The following ESPN variants were observed in gnomAD, a reference collection of about 807,000 sequenced individuals.
ESPN encodes autosomal recessive deafness type 36 protein.
A neutral mutation model predicts 77.7 loss-of-function variants in ESPN; 68 were observed. That is an observed-to-expected ratio of 0.87 (90% CI 0.72 to 1.07). ESPN has a LOEUF of 1.07. ESPN is among the 50% of genes least tolerant of loss of function. ESPN has a pLI of 0.00. For synonymous variants in ESPN, 449 were observed against 567.1 expected (o/e 0.79, Z 2.96); for missense variants, 1,060 against 1,239.0 (o/e 0.86, Z 2.17).
rs1643899070 is a variant in ESPN, at chr1:6,448,953, A to T, written c.1777A>T (p.Arg593Trp). 5 of 1,420,374 alleles carry T rather than the reference A, an allele frequency of 3.5e-6. No homozygotes were observed. Among genetic ancestry groups the T allele is most frequent in the Non-Finnish European group, 4.6e-6 (5 of 1,092,770 alleles). The allele number at this position is 1,420,374 out of a possible 1,614,324, so 88.0% of individuals were successfully genotyped here. The change falls in exon 8 of 13, where the codon AGG becomes TGG. Residue 593 changes from arginine (R) to tryptophan (W), a missense_variant. By Grantham distance (101) the Arg-to-Trp change is moderately radical (BLOSUM62 -3). Around this residue, in one of 3 missense-constraint regions of ESPN, gnomAD observed 374 missense variants for 381.4 expected, o/e 0.98. Transcript: ENST00000645284. ...CTGCGCCGCGGACCCCAAGGCGTCC[A>T]GGGAGCTGCCACCGCCGCCCCCACC... Reference protein sequence around the residue: ...NGCAADPKASRELPPPPPPPP... With the variant: ...NGCAADPKASWELPPPPPPPP...
rs1434187539 is a variant in ESPN, at chr1:6,446,236, G to A, written c.1464+301G>A. Among the ~76,000 whole-genome samples the A allele has an allele frequency of 2.6e-5, 4 of 152,256 alleles. No individual in the cohort carries two copies. In the East Asian group the frequency reaches 7.7e-4, roughly 29 times the overall value. ...GCCACCTCTTGCACAGAGTGGCCGGGTTGTCATGGAGTTGACAGAGAATGC... is the reference window on the plus strand; with the variant it reads ...GCCACCTCTTGCACAGAGTGGCCGGATTGTCATGGAGTTGACAGAGAATGC... On this transcript the variant is annotated intron_variant, in intron 7 of 12. Transcript: ENST00000645284.
Position 6,440,745 on chromosome 1 carries a change from G to A in ESPN, c.795G>A (p.Glu265=). Residue 265 remains glutamate, a synonymous_variant, in exon 4 of 13, where the codon GAG becomes GAA. Coordinates refer to ENST00000645284, the MANE Select transcript of ESPN (RefSeq NM_031475.3). ...VLSWLLLHGG[E]ISADLWGGTP... The stretch of plus-strand genomic sequence containing the variant: ...GCTGGCTGCTGCTGCACGGCGGGGA[G>A]ATCTCGGCTGACCTGTGGGGCGGGA... 2 of 1,543,038 alleles carry A rather than the reference G, an allele frequency of 1.3e-6. No individual in the cohort carries two copies. The highest frequency in any genetic ancestry group is 1.7e-6 in the Non-Finnish European group (2 of 1,153,416).
Position 6,455,301 on chromosome 1 carries a change from C to T in ESPN, c.2326-1883C>T, listed in dbSNP as rs544445075. 19 of 387,330 alleles carry T rather than the reference C, an allele frequency of 4.9e-5. No individual in the cohort carries two copies. In the South Asian group the frequency reaches 2.1e-3, roughly 42 times the overall value. 24.0% of individuals were successfully genotyped at this position (387,330 alleles called of 1,614,324 possible). ...GCGCATCGTTTACCTCTTCCTGGAG[C>T]ACTGGCGCCGCTGGGCCTGCCGCGG... On this transcript the variant is annotated intron_variant, in intron 10 of 12. Transcript: ENST00000645284.
In ESPN at chr1:6,450,657, C is replaced by A. The variant is rs1393273997; in HGVS notation, c.1916-946C>A. Among the ~76,000 whole-genome samples the A allele has an allele frequency of 6.6e-6, 1 of 152,104 alleles. No homozygotes were observed. Among genetic ancestry groups the A allele is most frequent in the Non-Finnish European group, 1.5e-5 (1 of 68,018 alleles). On this transcript the variant is annotated intron_variant, in intron 8 of 12. Transcript: ENST00000645284. This position sits in a 1 kb window ranked among gnomAD's most constrained non-coding sequence, Gnocchi z 4.3. ...ACCTACCCTCATACCCACATATGCACCCAAGCATTCTGCACCTGGCTGATG... is the reference window on the plus strand; with the variant it reads ...ACCTACCCTCATACCCACATATGCAACCAAGCATTCTGCACCTGGCTGATG...
chr1:6,433,356 A>G (rs916244361), intron 2 of ESPN, among the ~76,000 whole-genome samples: 2 of 151,980 alleles, frequency 1.3e-5, no homozygotes, highest in African/African-American at 4.8e-5. Flanking sequence ...AGGCAGGAGA[A>G]TTGCTTGAAC....
chr1:6,455,208 C>A (rs1199076118), intron 10 of ESPN: 2 of 381,042 alleles, frequency 5.2e-6, no homozygotes, highest in Non-Finnish European at 9.3e-6. Flanking sequence ...GCCCGAGCAG[C>A]TGGCGCGCCG....
Position 6,427,456 on chromosome 1 carries a change from T to C in ESPN, c.295-770T>C, listed in dbSNP as rs1334144400. 1.3e-5 allele frequency among the ~76,000 whole-genome samples: 2 copies of C among 152,160 alleles called. No individual in the cohort carries two copies. Among genetic ancestry groups the C allele is most frequent in the Admixed American group, 1.3e-4 (2 of 15,284 alleles). On this transcript the variant is annotated intron_variant, in intron 1 of 12. Coordinates refer to ENST00000645284, the MANE Select transcript of ESPN (RefSeq NM_031475.3). This position sits in a 1 kb window ranked among gnomAD's most constrained non-coding sequence, Gnocchi z 4.6. ...TTCAGCAGTTCTGGGCCCAGACCTC[T>C]GGCCCCACCTGCTCTGAGGTCCCCG...
chr1:6,430,356 A>C (rs2148505541), intron 2 of ESPN, among the ~76,000 whole-genome samples: 1 of 152,348 alleles, frequency 6.6e-6, no homozygotes, highest in African/African-American at 2.4e-5. Context: ...CCACGGGACG[A>C]GGAAGTGACA....
Position 6,445,735 on chromosome 1 carries a change from C to G in ESPN, c.1264C>G (p.Arg422Gly). 1.2e-6 allele frequency: 2 copies of G among 1,609,828 alleles called. No homozygotes were observed. Among genetic ancestry groups the G allele is most frequent in the Non-Finnish European group, 1.7e-6 (2 of 1,178,924 alleles). The change falls in exon 7 of 13, where the codon CGG (arginine) becomes GGG (glycine). Residue 422 changes from arginine (R) to glycine (G), a missense_variant. Transcript: ENST00000645284. ...GCTGAACCCGGAGCTGGGCCTGCCT[C>G]GGGGCACGATTGGGAAGCCCACACC... Reference protein sequence around the residue: ...DMLNPELGLPRGTIGKPTPPP... With the variant: ...DMLNPELGLPGGTIGKPTPPP...
chr1:6,428,384 C>G lies in ESPN; in HGVS notation c.453C>G (p.Phe151Leu), dbSNP rs781518450. The change falls in exon 2 of 13, where the codon TTC becomes TTG. Residue 151 changes from phenylalanine to leucine, a missense_variant. Physicochemically the swap from Phe to Leu is conservative, Grantham distance 22. This residue lies in a region of ESPN where 556 missense variants were observed against 633.6 expected (regional missense o/e 0.88). Transcript: ENST00000645284. This position sits in a 1 kb window ranked among gnomAD's most constrained non-coding sequence, Gnocchi z 5.4. ...ACTACGCTGCCGCCAAAGGAGACTTCCCCTCCCTGAGGCTTCTCGTCGAGC... is the reference window on the plus strand; with the variant it reads ...ACTACGCTGCCGCCAAAGGAGACTTGCCCTCCCTGAGGCTTCTCGTCGAGC... The part of the protein sequence containing the change: ...PIHYAAAKGD[F>L]PSLRLLVEHY... The G allele has an allele frequency of 6.2e-7, 1 of 1,612,820 alleles. No homozygotes were observed. Among genetic ancestry groups the G allele is most frequent in the Non-Finnish European group, 8.5e-7 (1 of 1,179,534 alleles).
Position 6,451,499 on chromosome 1 carries a change from C to T in ESPN, c.1916-104C>T, listed in dbSNP as rs944499532. On this transcript the variant is annotated intron_variant, in intron 8 of 12. Coordinates refer to ENST00000645284, the MANE Select transcript of ESPN (RefSeq NM_031475.3). The surrounding 1 kb of genome is among the most constrained non-coding windows in gnomAD (Gnocchi z 4.3). ...TGCCCGCTGGCCCGGAGGATGGGCACCCATCCAATCTTGGCTTAGGAAAGG... is the reference window on the plus strand; with the variant it reads ...TGCCCGCTGGCCCGGAGGATGGGCATCCATCCAATCTTGGCTTAGGAAAGG... 6.7e-7 allele frequency: 1 copy of T among 1,489,990 alleles called. No homozygotes were observed. The highest frequency in any genetic ancestry group is 1.4e-5 in the African/African-American group (1 of 71,824). The allele number at this position is 1,489,990 out of a possible 1,614,324, so 92.3% of individuals were successfully genotyped here.
In ESPN at chr1:6,448,972, C is replaced by T; in HGVS notation, c.1796C>T (p.Pro599Leu). The T allele has an allele frequency of 7.1e-7, 1 of 1,409,686 alleles. No individual in the cohort carries two copies. Among genetic ancestry groups the T allele is most frequent in the Non-Finnish European group, 9.3e-7 (1 of 1,080,198 alleles). 87.3% of individuals were successfully genotyped at this position (1,409,686 alleles called of 1,614,324 possible). A position where few individuals can be genotyped will look rare whatever the true frequency, so the allele number is the denominator to read the frequency against. The change falls in exon 8 of 13, where the codon CCC (proline) becomes CTC (leucine). Residue 599 changes from proline to leucine, a missense_variant. Coordinates refer to ENST00000645284, the MANE Select transcript of ESPN (RefSeq NM_031475.3). ...GCGTCCAGGGAGCTGCCACCGCCGC[C>T]CCCACCGCCGCCGCCGCCCCTGCCG... ...PKASRELPPP[P>L]PPPPPPLPEA...
At chr1:6,457,836 T>C (rs1406100125) in intron 12 of ESPN, among the ~76,000 whole-genome samples, 1 of 152,082 alleles carries the variant, frequency 6.6e-6, no homozygotes, top group African/African-American at 2.4e-5. Flanking sequence ...ACATAATCAA[T>C]TATGAAAATT....
intron 2 of ESPN, among the ~76,000 whole-genome samples, chr1:6,431,375 G>A (rs1186422363): frequency 2.6e-5 from 4 of 152,138 alleles, no homozygotes; most frequent in African/African-American, 9.7e-5. Context: ...TTGGGAGGCC[G>A]AGGCAGGTGG....
In ESPN at chr1:6,459,979, C is replaced by G. The variant is rs373919355; in HGVS notation, c.2418-20C>G. The G allele has an allele frequency of 6.2e-7, 1 of 1,613,148 alleles. No individual in the cohort carries two copies. The highest frequency in any genetic ancestry group is 8.5e-7 in the Non-Finnish European group (1 of 1,179,948). ...TGGCCCCAGACTTCACCGGGTCTGCCCCCCTCCCCACTGCCTCAGGAAAGA... is the reference window on the plus strand; with the variant it reads ...TGGCCCCAGACTTCACCGGGTCTGCGCCCCTCCCCACTGCCTCAGGAAAGA... On this transcript the variant is annotated intron_variant, in intron 12 of 12. Coordinates refer to ENST00000645284, the MANE Select transcript of ESPN (RefSeq NM_031475.3).
chr1:6,446,018 C>T, intron 7 of ESPN, 83 bp downstream of exon 7: 1 of 1,416,524 alleles, frequency 7.1e-7, no homozygotes, highest in Admixed American at 1.8e-5. Context: ...CCTGGCCTCA[C>T]TAGTGGGCAT....
Position 6,428,403 on chromosome 1 carries a change from G to A in ESPN, c.472G>A (p.Val158Ile), listed in dbSNP as rs145002662. 26 of 1,611,892 alleles carry A rather than the reference G, an allele frequency of 1.6e-5. No homozygotes were observed. Among genetic ancestry groups the A allele is most frequent in the East Asian group, 2.2e-5 (1 of 44,846 alleles). ...KGDFPSLRLLVEHYPEGVNAQ... is the reference protein window; with the variant it reads ...KGDFPSLRLLIEHYPEGVNAQ... ...AGACTTCCCCTCCCTGAGGCTTCTC[G>A]TCGAGCACTACCCTGAGTAAGATCA... Residue 158 changes from valine (V) to isoleucine (I), a missense_variant, in exon 2 of 13, where the codon GTC (valine) becomes ATC (isoleucine). This residue lies in a region of ESPN where 556 missense variants were observed against 633.6 expected (regional missense o/e 0.88). Coordinates refer to ENST00000645284, the MANE Select transcript of ESPN (RefSeq NM_031475.3). This position sits in a 1 kb window ranked among gnomAD's most constrained non-coding sequence, Gnocchi z 5.4.
intron 5 of ESPN, among the ~76,000 whole-genome samples, chr1:6,442,204 T>G (rs1643662077): frequency 6.6e-6 from 1 of 152,176 alleles, no homozygotes. Context: ...CACTATTCAT[T>G]GGATTCTGAC....
At position 6,424,921 on chromosome 1, in the gene ESPN, G is replaced by T; in HGVS notation, c.-35G>T. The T allele has an allele frequency of 1.4e-6, 2 of 1,425,742 alleles. No homozygotes were observed. The highest frequency in any genetic ancestry group is 2.8e-5 in the South Asian group (2 of 72,724). 88.3% of individuals were successfully genotyped at this position (1,425,742 alleles called of 1,614,324 possible). On this transcript the variant is annotated 5_prime_UTR_variant, in exon 1 of 13. Coordinates refer to ENST00000645284, the MANE Select transcript of ESPN (RefSeq NM_031475.3). ...ACGTGCATGGCGTCCTGGGGAAGGCGCTGAGTGCGGAGTCGCGGCGCCGCA... is the reference window on the plus strand; with the variant it reads ...ACGTGCATGGCGTCCTGGGGAAGGCTCTGAGTGCGGAGTCGCGGCGCCGCA...
Sources: allele counts gnomAD v4.1 joint callset (sites outside exome capture counted in the v4.1 genomes callset), GRCh38; gene constraint gnomAD v4.1.1; regional missense constraint gnomAD v4.1.1; non-coding constraint Gnocchi (gnomAD v3.1); transcripts MANE v1.5; gene names NCBI Gene and HGNC (gene_info 2026-07-23, HGNC 2026-07-21).